Variants in DPY19L1 observed in about 807,000 individuals in gnomAD.
DPY19L1 encodes dpy-19 like C-mannosyltransferase 1.
Under a neutral mutation model 96.9 loss-of-function variants are expected in DPY19L1, and 35 were observed. The observed-to-expected ratio is 0.36, with a 90% CI of 0.28 to 0.48. DPY19L1 has a LOEUF of 0.48. Ranked by LOEUF, DPY19L1 falls within the 20% of genes least tolerant of loss-of-function variation. The pLI is 0.99. For synonymous variants in DPY19L1, 205 were observed against 252.6 expected (o/e 0.81, Z 1.79); for missense variants, 521 against 777.9 (o/e 0.67, Z 3.93).
At chr7:34,944,045 C>T (rs558659544) in intron 16 of DPY19L1, among the ~76,000 whole-genome samples, 9 of 151,886 alleles carry the variant, frequency 5.9e-5, no homozygotes, top group East Asian at 1.9e-4. Context: ...GGGAATAATA[C>T]AAGGGTGTGT....
At chr7:34,993,463 A>G (rs1006745865) in intron 6 of DPY19L1, among the ~76,000 whole-genome samples, 2 of 151,012 alleles carry the variant, frequency 1.3e-5, no homozygotes, top group African/African-American at 4.9e-5. Flanking sequence ...TTATCACACT[A>G]TTTTTATTAC....
intron 1 of DPY19L1, among the ~76,000 whole-genome samples, chr7:35,029,630 T>C (rs1344107879): frequency 2.6e-5 from 4 of 152,170 alleles, no homozygotes; most frequent in Non-Finnish European, 5.9e-5. Flanking sequence ...TGTTATATCA[T>C]TGCCAAGCCA....
At chr7:34,941,062 G>A (rs1281887833) in intron 18 of DPY19L1, among the ~76,000 whole-genome samples, 1 of 152,072 alleles carries the variant, frequency 6.6e-6, no homozygotes, top group Non-Finnish European at 1.5e-5. Context: ...TGTCTACAGA[G>A]CTAGATTTCA....
intron 7 of DPY19L1, among the ~76,000 whole-genome samples, chr7:34,987,601 A>C (rs1294285975): frequency 1.3e-5 from 2 of 152,070 alleles, no homozygotes; most frequent in African/African-American, 2.4e-5. Flanking sequence ...ACATAAACCA[A>C]TCACTCATGT....
At chr7:35,006,882 T>C (rs1785572037) in intron 6 of DPY19L1, among the ~76,000 whole-genome samples, 1 of 152,226 alleles carries the variant, frequency 6.6e-6, no homozygotes, top group South Asian at 2.1e-4. Context: ...GAATTTAAAA[T>C]GTCACAGTCA....
At chr7:35,004,632 A>G (rs1584250209) in intron 6 of DPY19L1, among the ~76,000 whole-genome samples, 2 of 152,254 alleles carry the variant, frequency 1.3e-5, no homozygotes, top group South Asian at 2.1e-4. Context: ...TTCCATAGTC[A>G]TAACATTTTA....
chr7:34,979,640 C>G (rs1784898754), intron 7 of DPY19L1, among the ~76,000 whole-genome samples: 1 of 151,968 alleles, frequency 6.6e-6, no homozygotes, highest in Admixed American at 6.6e-5. Context: ...TTTCTGGAAC[C>G]TTTTTGAGTT....
At chr7:34,999,036 A>G (rs1447388170) in intron 6 of DPY19L1, among the ~76,000 whole-genome samples, 1 of 152,238 alleles carries the variant, frequency 6.6e-6, no homozygotes, top group Non-Finnish European at 1.5e-5. Flanking sequence ...ACAGGAAAAA[A>G]GAAATGGAGA....
intron 1 of DPY19L1, among the ~76,000 whole-genome samples, chr7:35,028,190 G>A (rs1021063333): frequency 1.3e-5 from 2 of 152,196 alleles, no homozygotes; most frequent in African/African-American, 4.8e-5. Context: ...AGGCCTGGAG[G>A]AGAGCTGGGT....
At position 35,017,951 on chromosome 7, in the gene DPY19L1, G is replaced by T. The variant is rs760760479; in HGVS notation, c.342C>A (p.Leu114=). The change falls in exon 3 of 22, where the codon CTC becomes CTA. Residue 114 remains leucine, a synonymous_variant. Coordinates refer to ENST00000638088, the MANE Select transcript of DPY19L1 (RefSeq NM_001366673.1). ...AVLHWSHITH[L]FENDRHFSHL... ...GAGAAAAATGACGGTCATTTTCAAA[G>T]AGGTGTGTTATATGGCTCCTGGAAA... The T allele has an allele frequency of 2.9e-5, 46 of 1,605,870 alleles. No homozygotes were observed. The Admixed American group carries it at 2.9e-4, about 10-fold the overall frequency.
chr7:34,949,397 A>G (rs1784223254), intron 14 of DPY19L1, among the ~76,000 whole-genome samples: 1 of 152,190 alleles, frequency 6.6e-6, no homozygotes, highest in African/African-American at 2.4e-5. Context: ...ACAGTTTTAG[A>G]AAGAAAAATG....
intron 14 of DPY19L1, 76 bp from the exon 15 acceptor site, chr7:34,947,777 G>T: frequency 8.5e-7 from 1 of 1,180,836 alleles, no homozygotes; most frequent in South Asian, 1.3e-5. Context: ...AATGAAATAG[G>T]TAAATTTCTG....
intron 10 of DPY19L1, among the ~76,000 whole-genome samples, chr7:34,959,918 T>C (rs964251025): frequency 6.1e-5 from 1 of 16,520 alleles, no homozygotes; most frequent in Non-Finnish European, 1.4e-4. Context: ...TATATATATA[T>C]ATATATTTAT....
intron 7 of DPY19L1, among the ~76,000 whole-genome samples, chr7:34,977,419 T>C (rs941538521): frequency 2.0e-5 from 3 of 152,202 alleles, no homozygotes; most frequent in Non-Finnish European, 2.9e-5. Context: ...TTAATAGCTA[T>C]AGTCACTCAG....
chr7:34,991,359 C>T (rs995490410), intron 6 of DPY19L1, among the ~76,000 whole-genome samples: 1 of 152,084 alleles, frequency 6.6e-6, no homozygotes, highest in African/African-American at 2.4e-5. Context: ...CTAGACAGCA[C>T]AAATGAAATA....
At position 34,958,007 on chromosome 7, in the gene DPY19L1, C is replaced by G. The variant is rs758888920; in HGVS notation, c.1156G>C (p.Ala386Pro). 1.3e-6 allele frequency: 2 copies of G among 1,582,132 alleles called. No individual in the cohort carries two copies. The highest frequency in any genetic ancestry group is 2.7e-5 in the African/African-American group (2 of 73,006). Residue 386 changes from alanine (A) to proline (P), a missense_variant, in exon 11 of 22, where the codon GCT (alanine) becomes CCT (proline). By Grantham distance (27) the Ala-to-Pro change is conservative. Coordinates refer to ENST00000638088, the MANE Select transcript of DPY19L1 (RefSeq NM_001366673.1). Reference sequence around the variant, plus strand: ...ACCCAAATAATTACCAAAGAAGAAGCATAATAAGAAGTTAATAACATTGAG... The same window carrying G: ...ACCCAAATAATTACCAAAGAAGAAGGATAATAAGAAGTTAATAACATTGAG... The part of the protein sequence containing the change: ...GNSMLLTSYY[A>P]SSLVIIWGIL...
chr7:34,972,835 G>A (rs964436663), intron 8 of DPY19L1, among the ~76,000 whole-genome samples: 4 of 152,130 alleles, frequency 2.6e-5, no homozygotes, highest in Non-Finnish European at 4.4e-5. Context: ...GTTCTATGAA[G>A]GGTCTGTCTA....
intron 7 of DPY19L1, among the ~76,000 whole-genome samples, chr7:34,975,864 A>G (rs1784820028): frequency 6.6e-6 from 1 of 152,222 alleles, no homozygotes; most frequent in Non-Finnish European, 1.5e-5. Flanking sequence ...TTTTAGCATG[A>G]TTGACCAGAT....
At chr7:34,960,935 C>T (rs747578233) in intron 10 of DPY19L1, among the ~76,000 whole-genome samples, 1 of 152,060 alleles carries the variant, frequency 6.6e-6, no homozygotes, top group Non-Finnish European at 1.5e-5. Context: ...TCCTGCATTC[C>T]TGGAATGAGG....
Sources: gnomAD v4.1 joint callset for allele counts (sites outside exome capture counted in the v4.1 genomes callset) on GRCh38, gnomAD v4.1.1 for gene constraint, MANE v1.5 for transcripts, NCBI Gene and HGNC (gene_info 2026-07-23, HGNC 2026-07-21) for gene names.